TGM2: variants seen among roughly 807,000 people sequenced by gnomAD.
The protein encoded by TGM2 is protein-glutamine gamma-glutamyltransferase 2.
TGM2 carries 53 observed loss-of-function variants against 75.6 expected under a neutral mutation model. The ratio of observed to expected loss-of-function variants is 0.70; its 90% CI spans 0.56 to 0.88. TGM2 has a LOEUF of 0.88. Among genes scored for constraint, TGM2 ranks in the 40% least tolerant of loss-of-function variants. TGM2 has a pLI of 0.00. For missense variants in TGM2, 842 were observed against 928.5 expected (o/e 0.91, Z 1.21); for synonymous variants, 374 against 381.1 (o/e 0.98, Z 0.22).
chr20:38,164,715 A>T (rs891120078), intron 1 of TGM2, among the ~76,000 whole-genome samples: 1 of 152,176 alleles, frequency 6.6e-6, no homozygotes, highest in Admixed American at 6.5e-5. Flanking sequence ...AGGCTCCTGG[A>T]TAGGATGCCG....
Position 38,127,453 on chromosome 20 carries a change from A to G in TGM2, c.*2766T>C. ...TCATGTCTTTCTACATGACTTCCCA[A>G]GGGTGGGGACTGTCCCCATCATCTA... On this transcript the variant is annotated 3_prime_UTR_variant, in exon 13 of 13. Coordinates refer to ENST00000361475, the MANE Select transcript of TGM2 (RefSeq NM_004613.4). The G allele has an allele frequency of 1.2e-6, 1 of 826,800 alleles. No individual in the cohort carries two copies. Among genetic ancestry groups the G allele is most frequent in the Non-Finnish European group, 1.5e-6 (1 of 685,314 alleles). 51.2% of individuals were successfully genotyped at this position (826,800 alleles called of 1,614,324 possible).
chr20:38,152,324 C>T (rs1227264447), intron 3 of TGM2, among the ~76,000 whole-genome samples: 1 of 152,176 alleles, frequency 6.6e-6, no homozygotes, highest in Non-Finnish European at 1.5e-5. Context: ...CCCTGACTTT[C>T]ATCGTAGTGA....
intron 11 of TGM2, 80 bp from the exon 12 acceptor site, chr20:38,131,309 A>G: frequency 3.8e-6 from 6 of 1,597,824 alleles, no homozygotes; most frequent in East Asian, 2.2e-5. Flanking sequence ...ATTTGGCCCA[A>G]TATTTGCTGA....
intron 12 of TGM2, 127 bp from the exon 13 acceptor site, chr20:38,130,496 C>A: frequency 2.9e-6 from 3 of 1,026,712 alleles, no homozygotes; most frequent in Non-Finnish European, 4.2e-6. Flanking sequence ...GCCTCATTCT[C>A]GGCCCTCTGC....
chr20:38,141,094 C>T (rs1051345261), intron 8 of TGM2, among the ~76,000 whole-genome samples, 188 bp downstream of exon 8: 2 of 152,138 alleles, frequency 1.3e-5, no homozygotes, highest in African/African-American at 2.4e-5. Context: ...CCGCAATGCA[C>T]GTGAATTATT....
rs746505881 is a variant in TGM2, at chr20:38,138,257, C to T, written c.1471G>A (p.Val491Ile). The T allele has an allele frequency of 2.2e-5, 35 of 1,613,818 alleles. No homozygotes were observed. The highest frequency in any genetic ancestry group is 4.0e-5 in the African/African-American group (3 of 74,918). Residue 491 changes from valine to isoleucine, a missense_variant, in exon 10 of 13, where the codon GTC (valine) becomes ATC (isoleucine). Val to Ile is a conservative substitution (Grantham distance 29). Transcript: ENST00000361475. ...QSMNMGSDFD[V>I]FAHITNNTAE... ...GTGTTGTTGGTGATGTGGGCAAAGA[C>T]GTCAAAGTCACTGCCCATGTTCATG... is the stretch of plus-strand genomic sequence containing the variant.
chr20:38,140,483 G>A (rs1355718194), intron 8 of TGM2, among the ~76,000 whole-genome samples: 2 of 151,872 alleles, frequency 1.3e-5, no homozygotes, highest in African/African-American at 2.4e-5. Flanking sequence ...CCCTATGATG[G>A]GGAAAAAAGG....
At chr20:38,132,573 G>C (rs2074848115) in intron 10 of TGM2, 73 bp from the exon 11 acceptor site, 1 of 1,577,474 alleles carries the variant, frequency 6.3e-7, no homozygotes, top group African/African-American at 1.3e-5. Context: ...ACTCCAAGAG[G>C]CACAGAGAGG....
intron 9 of TGM2, among the ~76,000 whole-genome samples, chr20:38,138,855 T>C (rs747956862): frequency 6.6e-6 from 1 of 152,240 alleles, no homozygotes; most frequent in Non-Finnish European, 1.5e-5. Context: ...TTTGCCTCTC[T>C]CCTGTGCTCC....
chr20:38,148,007 G>A lies in TGM2; in HGVS notation c.635C>T (p.Ser212Phe), dbSNP rs1252707058. Residue 212 changes from serine (S) to phenylalanine (F), a missense_variant, in exon 5 of 13, where the codon TCC becomes TTC. Physicochemically the swap from Ser to Phe is radical, Grantham distance 155. Coordinates refer to ENST00000361475, the MANE Select transcript of TGM2 (RefSeq NM_004613.4). The stretch of plus-strand genomic sequence containing the variant: ...CACGTAGACGGGGCTGCTGCGGCGG[G>A]AGCAGTCACGGCCGGCGTTCTTCAG... ...KFLKNAGRDCSRRSSPVYVGR... is the reference protein window; with the variant it reads ...KFLKNAGRDCFRRSSPVYVGR... The A allele has an allele frequency of 6.2e-7, 1 of 1,610,822 alleles. No homozygotes were observed. The highest frequency in any genetic ancestry group is 8.5e-7 in the Non-Finnish European group (1 of 1,178,560).
rs944000504 is a variant in TGM2, at chr20:38,147,978, G to A, written c.664C>T (p.Arg222Trp). 1.6e-5 allele frequency: 26 copies of A among 1,612,190 alleles called. No homozygotes were observed. The highest frequency in any genetic ancestry group is 1.9e-4 in the Middle Eastern group (1 of 5,302). Residue 222 changes from arginine (R) to tryptophan (W), a missense_variant, in exon 5 of 13, where the codon CGG becomes TGG. Transcript: ENST00000361475. ...TCACTCACCATGCCACTCACCACCC[G>A]GCCCACGTAGACGGGGCTGCTGCGG... Reference protein sequence around the residue: ...SRRSSPVYVGRVVSGMVNCND... With the variant: ...SRRSSPVYVGWVVSGMVNCND...
chr20:38,140,122 G>A (rs1350158741), intron 8 of TGM2, among the ~76,000 whole-genome samples: 2 of 152,266 alleles, frequency 1.3e-5, no homozygotes, highest in African/African-American at 4.8e-5. Context: ...CATACTGAGA[G>A]TGGAGCTCAG....
intron 6 of TGM2, among the ~76,000 whole-genome samples, chr20:38,145,094 G>C (rs1024640883): frequency 1.6e-4 from 25 of 152,166 alleles, no homozygotes; most frequent in Non-Finnish European, 1.0e-4. Context: ...GTTTCCACAA[G>C]AAAAAGGAAT....
In TGM2 at chr20:38,138,177, A is replaced by G. The variant is rs1458898629; in HGVS notation, c.1551T>C (p.Asn517=). The G allele has an allele frequency of 6.2e-7, 1 of 1,606,960 alleles. No homozygotes were observed. The highest frequency in any genetic ancestry group is 1.3e-5 in the African/African-American group (1 of 74,766). ...TGCCACACTCGGGCCCCAAGATCCC[A>G]TTGTAGCTGACGGTGCGGGCACAGA... ...LLLCARTVSY[N]GILGPECGTK... The change falls in exon 10 of 13, where the codon AAT becomes AAC. Residue 517 remains asparagine, a synonymous_variant. Transcript: ENST00000361475.
chr20:38,140,056 T>C (rs918272674), intron 8 of TGM2, among the ~76,000 whole-genome samples: 1 of 152,264 alleles, frequency 6.6e-6, no homozygotes, highest in Non-Finnish European at 1.5e-5. Context: ...GAGGAAATTA[T>C]GGAGCCAAGG....
chr20:38,148,909 T>TC (rs1214138381), intron 4 of TGM2, among the ~76,000 whole-genome samples: 1 of 152,078 alleles, frequency 6.6e-6, no homozygotes, highest in Admixed American at 6.5e-5. Context: ...TCTGCTCTTT[T>TC]CCCCCCACTT....
chr20:38,141,533 T>TC (rs45532238), intron 7 of TGM2, 148 bp from the exon 8 acceptor site: 5 of 694,796 alleles, frequency 7.2e-6, no homozygotes, highest in East Asian at 2.7e-5. Context: ...GCCTTGTTCT[T>TC]CCCCCCACGG....
chr20:38,151,024 C>T lies in TGM2; in HGVS notation c.467G>A (p.Arg156Gln), dbSNP rs764630453. The T allele has an allele frequency of 6.4e-5, 104 of 1,614,018 alleles. No homozygotes were observed. The highest frequency in any genetic ancestry group is 7.8e-5 in the Non-Finnish European group (92 of 1,180,016). The change falls in exon 4 of 13, where the codon CGG becomes CAG. Residue 156 changes from arginine to glutamine, a missense_variant. Transcript: ENST00000361475. ...DAVYLDSEEERQEYVLTQQGF... is the reference protein window; with the variant it reads ...DAVYLDSEEEQQEYVLTQQGF... ...CTGCTGGGTGAGGACATACTCCTGC[C>T]GCTCCTCTTCCGAGTCCAGGTACAC...
At chr20:38,155,777 A>T in intron 3 of TGM2, 70 bp downstream of exon 3, 1 of 1,534,524 alleles carries the variant, frequency 6.5e-7, no homozygotes. Flanking sequence ...TCTCACCTCC[A>T]GTAGCCTCCT....
Sources: gnomAD v4.1 joint callset for allele counts (sites outside exome capture counted in the v4.1 genomes callset) on GRCh38, gnomAD v4.1.1 for gene constraint, MANE v1.5 for transcripts, NCBI Gene and HGNC (gene_info 2026-07-23, HGNC 2026-07-21) for gene names.